Variants in COQ8A observed in about 807,000 individuals in gnomAD.
COQ8A encodes atypical kinase COQ8A, mitochondrial.
Under a neutral mutation model 65.0 loss-of-function variants are expected in COQ8A, and 51 were observed. The ratio of observed to expected loss-of-function variants is 0.78; its 90% CI spans 0.63 to 0.99. COQ8A has a LOEUF of 0.99. Among genes scored for constraint, COQ8A ranks in the 50% least tolerant of loss-of-function variants. The pLI is 0.00. For synonymous variants in COQ8A, 371 were observed against 353.2 expected, an observed-to-expected ratio of 1.05 and a Z score of -0.57; for missense variants, 940 against 875.0, an observed-to-expected ratio of 1.07 and a Z score of -0.94.
intron 1 of COQ8A, among the ~76,000 whole-genome samples, chr1:226,954,521 G>A (rs1657573544): frequency 6.6e-6 from 1 of 152,258 alleles, no homozygotes; most frequent in Non-Finnish European, 1.5e-5. Flanking sequence ...CCTTAGGGGT[G>A]TGGCCCAGCA....
chr1:226,959,694 G>A (rs1287372737), intron 1 of COQ8A, among the ~76,000 whole-genome samples: 1 of 152,226 alleles, frequency 6.6e-6, no homozygotes, highest in African/African-American at 2.4e-5. Flanking sequence ...TATCTATGGG[G>A]TATTTCCCCT....
chr1:226,965,229 C>A lies in COQ8A; in HGVS notation c.407C>A (p.Ser136Tyr), dbSNP rs1558191116. Residue 136 changes from serine (S) to tyrosine (Y), a missense_variant, in exon 3 of 15, where the codon TCC becomes TAC. Coordinates refer to ENST00000366777, the MANE Select transcript of COQ8A (RefSeq NM_020247.5). ...GCCGGGTTCCCCGGCCAGGCCTCCT[C>A]CCCTCTGGGCAGGGCCAACGGGAGG... ...REAGFPGQAS[S>Y]PLGRANGRLF... is the part of the protein sequence containing the mutation. The A allele has an allele frequency of 6.2e-7, 1 of 1,613,964 alleles. No homozygotes were observed. The highest frequency in any genetic ancestry group is 2.2e-5 in the East Asian group (1 of 44,882).
rs543083902 is a variant in COQ8A at position 226,944,893 on chromosome 1, A to T, written c.-10+4494A>T. ...TCCCTACCTCTGCACCGTCCACTGG[A>T]ATTTTCCATTTCCCAGAGGTGTGTT... is the stretch of plus-strand genomic sequence containing the variant. On this transcript the variant is annotated intron_variant, in intron 1 of 14. Transcript: ENST00000366777. Among the ~76,000 whole-genome samples, 7 of 152,022 alleles carry T rather than the reference A, an allele frequency of 4.6e-5. No individual in the cohort carries two copies. The South Asian group carries it at 1.5e-3, about 32-fold the overall frequency.
At chr1:226,945,343 C>T (rs538768438) in intron 1 of COQ8A, among the ~76,000 whole-genome samples, 1 of 152,274 alleles carries the variant, frequency 6.6e-6, no homozygotes, top group South Asian at 2.1e-4. Context: ...GTGGCAAGTC[C>T]CTGCTGTTCA....
At chr1:226,985,415 C>T (rs1660039973) in intron 14 of COQ8A, 75 bp downstream of exon 14, 12 of 1,549,150 alleles carry the variant, frequency 7.7e-6, no homozygotes, top group Non-Finnish European at 9.8e-6. Context: ...TGGATGAAAG[C>T]ACAGGGGGCA....
chr1:226,981,912 A>T, intron 5 of COQ8A, 115 bp from the exon 6 acceptor site: 1 of 1,507,386 alleles, frequency 6.6e-7, no homozygotes, highest in Non-Finnish European at 9.2e-7. Flanking sequence ...TGCTGGTTTT[A>T]TGGACGCCTG....
intron 1 of COQ8A, among the ~76,000 whole-genome samples, chr1:226,953,168 T>G (rs2148019914): frequency 6.6e-6 from 1 of 152,320 alleles, no homozygotes; most frequent in Middle Eastern, 3.4e-3. Context: ...TAGCTGGGAT[T>G]ACAGGCGCAT....
chr1:226,974,716 G>A (rs981380177), intron 4 of COQ8A: 3 of 152,856 alleles, frequency 2.0e-5, no homozygotes, highest in African/African-American at 7.2e-5. Context: ...TCTGTCCCCT[G>A]GGGAGCCTGC....
intron 4 of COQ8A, among the ~76,000 whole-genome samples, chr1:226,975,971 T>TGCCAGTTTCCTTGC (rs1325650143): frequency 6.6e-6 from 1 of 152,246 alleles, no homozygotes; most frequent in Non-Finnish European, 1.5e-5. Flanking sequence ...TGCAAGCAGA[T>TGCCAGTTTCCTTGC]GCCAGTTTCC....
Position 226,982,946 on chromosome 1 carries a change from T to G in COQ8A, c.992T>G (p.Phe331Cys). 1 of 1,610,236 alleles carries G rather than the reference T, an allele frequency of 6.2e-7. No individual in the cohort carries two copies. The highest frequency in any genetic ancestry group is 8.5e-7 in the Non-Finnish European group (1 of 1,178,838). The change falls in exon 8 of 15, where the codon TTC becomes TGC. Residue 331 changes from phenylalanine (F) to cysteine (C), a missense_variant. Transcript: ENST00000366777. ...AACTGGCGGGACAAGTTGGAATACT[T>G]CGAGGAGCGGCCCTTCGCCGCCGCA... is the stretch of plus-strand genomic sequence containing the variant. ...GPNWRDKLEY[F>C]EERPFAAASI...
chr1:226,959,696 A>G (rs1216270968), intron 1 of COQ8A, among the ~76,000 whole-genome samples: 1 of 152,204 alleles, frequency 6.6e-6, no homozygotes, highest in Non-Finnish European at 1.5e-5. Flanking sequence ...TCTATGGGGT[A>G]TTTCCCCTAT....
At chr1:226,982,207 T>C in intron 6 of COQ8A, 58 bp downstream of exon 6, 1 of 1,538,186 alleles carries the variant, frequency 6.5e-7, no homozygotes, top group Non-Finnish European at 8.8e-7. Flanking sequence ...GGGGGTCAAC[T>C]TCCAGGGCCG....
At chr1:226,945,064 G>A (rs1164389389) in intron 1 of COQ8A, among the ~76,000 whole-genome samples, 1 of 152,074 alleles carries the variant, frequency 6.6e-6, no homozygotes, top group East Asian at 1.9e-4. Context: ...TCTAGACCCC[G>A]TTACATCCCA....
rs1174520293 is a variant in COQ8A, at chr1:226,944,692, TGAGAGAGAGAGAGAGAGAGA to T, written c.-10+4331_-10+4350del. ...CAGCATCCTTTGAGGAGTTGTACCCTGAGAGAGAGAGAGAGAGAGAGAGAGAGAGAGAGAGAGAGAGAGAG... is the reference window on the plus strand; with the variant it reads ...CAGCATCCTTTGAGGAGTTGTACCCTGAGAGAGAGAGAGAGAGAGAGAGAG... On this transcript the variant is annotated intron_variant, in intron 1 of 14. Coordinates refer to ENST00000366777, the MANE Select transcript of COQ8A (RefSeq NM_020247.5). Among the ~76,000 whole-genome samples the T allele has an allele frequency of 5.7e-3, 497 of 86,660 alleles. 8 individuals are homozygous for T. The highest frequency in any genetic ancestry group is 0.019 in the African/African-American group (413 of 21,462). 56.9% of individuals were successfully genotyped at this position (86,660 alleles called of 152,430 possible). A position where few individuals can be genotyped will look rare whatever the true frequency, so the allele number is the denominator to read the frequency against.
At chr1:226,975,796 G>A (rs1293885169) in intron 4 of COQ8A, among the ~76,000 whole-genome samples, 1 of 152,116 alleles carries the variant, frequency 6.6e-6, no homozygotes, top group Non-Finnish European at 1.5e-5. Flanking sequence ...GGACGTGGAG[G>A]GTGCACTGTT....
chr1:226,984,152 A>T lies in COQ8A; in HGVS notation c.1315A>T (p.Ser439Cys). Residue 439 changes from serine (S) to cysteine (C), a missense_variant, in exon 11 of 15, where the codon AGC (serine) becomes TGC (cysteine). Physicochemically the swap from Ser to Cys is moderately radical, Grantham distance 112 (BLOSUM62 -1). Transcript: ENST00000366777. ...YVPEIVDELCSPHVLTTELVS... is the reference protein window; with the variant it reads ...YVPEIVDELCCPHVLTTELVS... ...GCCTGAGATTGTGGATGAGCTCTGC[A>T]GCCCACATGTGCTGACCACAGAGCT... 6.2e-7 allele frequency: 1 copy of T among 1,613,884 alleles called. No homozygotes were observed. The highest frequency in any genetic ancestry group is 8.5e-7 in the Non-Finnish European group (1 of 1,179,990).
rs1453215422 is a variant in COQ8A at position 226,987,284 on chromosome 1, G to C, written c.*547G>C. On this transcript the variant is annotated 3_prime_UTR_variant, in exon 15 of 15. Coordinates refer to ENST00000366777, the MANE Select transcript of COQ8A (RefSeq NM_020247.5). ...CTGCGAGGCCCAGGCCTGTGGGGCT[G>C]GTTCTCACCTTTGACAGCTGAATGT... 2.5e-5 allele frequency: 4 copies of C among 157,358 alleles called. No homozygotes were observed. The East Asian group carries it at 5.6e-4, about 22-fold the overall frequency. The allele number at this position is 157,358 out of a possible 1,614,324, so 9.7% of individuals were successfully genotyped here. A position where few individuals can be genotyped will look rare whatever the true frequency, so the allele number is the denominator to read the frequency against.
Position 226,986,870 on chromosome 1 carries a change from GT to G in COQ8A, c.*134del. The G allele has an allele frequency of 8.9e-7, 1 of 1,120,748 alleles. No individual in the cohort carries two copies. The highest frequency in any genetic ancestry group is 1.3e-6 in the Non-Finnish European group (1 of 781,698). The allele number at this position is 1,120,748 out of a possible 1,614,324, so 69.4% of individuals were successfully genotyped here. On this transcript the variant is annotated 3_prime_UTR_variant, in exon 15 of 15. Coordinates refer to ENST00000366777, the MANE Select transcript of COQ8A (RefSeq NM_020247.5). ...AAGGGGGGTGGCTGCCTGGAGCCCCGTAGCCAGCGCTTTCCACGGTTTCTGT... is the reference window on the plus strand; with the variant it reads ...AAGGGGGGTGGCTGCCTGGAGCCCCGAGCCAGCGCTTTCCACGGTTTCTGT...
At chr1:226,963,176 A>G (rs574239403) in intron 2 of COQ8A, among the ~76,000 whole-genome samples, 4 of 152,090 alleles carry the variant, frequency 2.6e-5, no homozygotes, top group Non-Finnish European at 5.9e-5. Flanking sequence ...GGGCTTCCCC[A>G]TCAGTCACTC....
Sources: gnomAD v4.1 joint callset for allele counts (sites outside exome capture counted in the v4.1 genomes callset) on GRCh38, gnomAD v4.1.1 for gene constraint, MANE v1.5 for transcripts, NCBI Gene and HGNC (gene_info 2026-07-23, HGNC 2026-07-21) for gene names.